Variants in DSCAML1 observed in about 807,000 individuals in gnomAD.
DSCAML1 encodes the protein DS cell adhesion molecule like 1.
In DSCAML1, 38 loss-of-function variants were observed where a neutral mutation model predicts 200.5. That is an observed-to-expected ratio of 0.19 (90% CI 0.15 to 0.25). The LOEUF (loss-of-function observed/expected upper bound fraction) is 0.25, where lower values mean the gene tolerates loss of function less well. DSCAML1 is among the 10% of genes least tolerant of loss of function. DSCAML1 has a pLI of 1.00. For missense variants in DSCAML1, 2,223 were observed against 2,858.8 expected (o/e 0.78, Z 5.07); for synonymous variants, 1,215 against 1,165.0 (o/e 1.04, Z -0.87).
At chr11:117,790,727 A>G (rs2055447051) in intron 1 of DSCAML1, among the ~76,000 whole-genome samples, 1 of 152,206 alleles carries the variant, frequency 6.6e-6, no homozygotes, top group African/African-American at 2.4e-5. Flanking sequence ...GCTCTGTAGG[A>G]TAGCCAGGAC....
intron 3 of DSCAML1, among the ~76,000 whole-genome samples, chr11:117,772,349 G>GGA (rs1199383503): frequency 3.3e-5 from 5 of 152,262 alleles, no homozygotes; most frequent in African/African-American, 1.2e-4. Context: ...TCATGTCACA[G>GGA]GACCCCTCTG....
intron 3 of DSCAML1, among the ~76,000 whole-genome samples, chr11:117,756,778 G>T (rs1373918761): frequency 6.6e-6 from 1 of 152,020 alleles, no homozygotes; most frequent in African/African-American, 2.4e-5. Context: ...AGACCAAGGA[G>T]GGGGTGATGG....
chr11:117,494,037 T>C (rs745478211), intron 11 of DSCAML1, among the ~76,000 whole-genome samples: 11 of 152,220 alleles, frequency 7.2e-5, no homozygotes, highest in Non-Finnish European at 1.6e-4. Context: ...GTACATGAAT[T>C]ATCTCATTAA....
At chr11:117,760,610 C>T (rs1327838780) in intron 3 of DSCAML1, among the ~76,000 whole-genome samples, 1 of 152,208 alleles carries the variant, frequency 6.6e-6, no homozygotes, top group East Asian at 1.9e-4. Context: ...ATTTAATGTG[C>T]CAATATTGGC....
intron 11 of DSCAML1, among the ~76,000 whole-genome samples, chr11:117,502,072 C>T (rs2137270540): frequency 6.6e-6 from 1 of 152,244 alleles, no homozygotes; most frequent in South Asian, 2.1e-4. Flanking sequence ...CTTCTGAACC[C>T]CTCAGAGCAC....
chr11:117,672,414 G>T (rs2053129914), intron 3 of DSCAML1, among the ~76,000 whole-genome samples: 1 of 151,868 alleles, frequency 6.6e-6, no homozygotes, highest in African/African-American at 2.4e-5. Flanking sequence ...CCAAACACAT[G>T]GCTTTCCTAT....
At chr11:117,468,084 CTCTT>C (rs1315268397) in intron 16 of DSCAML1, among the ~76,000 whole-genome samples, 1 of 151,884 alleles carries the variant, frequency 6.6e-6, no homozygotes, top group Non-Finnish European at 1.5e-5. Context: ...TCCTTCCTCT[CTCTT>C]TTTTTCTCTC....
chr11:117,796,567 C>T (rs2055580199), intron 1 of DSCAML1, among the ~76,000 whole-genome samples: 2 of 152,336 alleles, frequency 1.3e-5, no homozygotes, highest in South Asian at 4.1e-4. Context: ...GGGTCCGCGG[C>T]GGGAGAGGGA....
intron 3 of DSCAML1, among the ~76,000 whole-genome samples, chr11:117,698,100 T>C (rs149552022): frequency 5.3e-4 from 81 of 152,338 alleles, no homozygotes; most frequent in Admixed American, 3.5e-3. Flanking sequence ...GGCTGAATCA[T>C]ATTCCATTGT....
intron 3 of DSCAML1, among the ~76,000 whole-genome samples, chr11:117,651,890 CG>C (rs924578138): frequency 1.5e-4 from 23 of 152,256 alleles, no homozygotes; most frequent in African/African-American, 5.5e-4. Context: ...AGGGAAACAG[CG>C]GGGATGACAA....
At chr11:117,528,263 CCGTGG>C (rs2050014715) in intron 4 of DSCAML1, among the ~76,000 whole-genome samples, 4 of 152,094 alleles carry the variant, frequency 2.6e-5, no homozygotes, top group Admixed American at 2.6e-4. Flanking sequence ...TACACAAATT[CCGTGG>C]CACACTGCAG....
Position 117,797,169 on chromosome 11 carries a change from CCGCACT to C in DSCAML1, c.-96_-91del, listed in dbSNP as rs141002031. On this transcript the variant is annotated 5_prime_UTR_variant, in exon 1 of 33. Coordinates refer to ENST00000651296, the MANE Select transcript of DSCAML1 (RefSeq NM_020693.4). ...CCCCGCTCAGCGCGCTCCCAGCCGC[CCGCACT>C]CGGCGCCCCGCTCTCTCTGCTCCTC... 2.4e-4 allele frequency: 382 copies of C among 1,579,352 alleles called. 1 individual carries two copies. In the African/African-American group the frequency reaches 4.8e-3, roughly 20 times the overall value.
At chr11:117,648,359 G>C (rs1173184129) in intron 3 of DSCAML1, among the ~76,000 whole-genome samples, 1 of 152,212 alleles carries the variant, frequency 6.6e-6, no homozygotes, top group Non-Finnish European at 1.5e-5. Context: ...GAGCGCCAAA[G>C]CCCTTTATGA....
At chr11:117,478,935 G>A (rs114757817) in intron 14 of DSCAML1, among the ~76,000 whole-genome samples, 2,940 of 152,296 alleles carry the variant, frequency 0.019, 104 homozygotes, top group African/African-American at 0.067. Context: ...GTGGCTTACC[G>A]CAACTCAACC....
intron 3 of DSCAML1, among the ~76,000 whole-genome samples, chr11:117,656,496 C>CATCTATCTATCTATCTATCTATCT (rs71469141): frequency 1.4e-5 from 2 of 147,292 alleles, no homozygotes; most frequent in Non-Finnish European, 3.0e-5. Flanking sequence ...TTACCTAAAT[C>CATCTATCTATCTATCTATCTATCT]ATCTATCTAT....
chr11:117,454,281 A>G (rs943791091), intron 19 of DSCAML1, among the ~76,000 whole-genome samples: 7 of 152,310 alleles, frequency 4.6e-5, no homozygotes, highest in African/African-American at 1.7e-4. Flanking sequence ...GAATTTTAAC[A>G]TGATCCCCAA....
chr11:117,689,736 C>T (rs150563469), intron 3 of DSCAML1, among the ~76,000 whole-genome samples: 54 of 152,338 alleles, frequency 3.5e-4, no homozygotes, highest in African/African-American at 1.3e-3. Context: ...TGCTGGAGAC[C>T]TGGATTCAAA....
chr11:117,445,785 T>C (rs2048166195), intron 20 of DSCAML1, among the ~76,000 whole-genome samples: 1 of 152,160 alleles, frequency 6.6e-6, no homozygotes, highest in Admixed American at 6.5e-5. Flanking sequence ...GCAAGAAAGT[T>C]TGGCCTCTTC....
At chr11:117,708,681 C>G (rs970994306) in intron 3 of DSCAML1, among the ~76,000 whole-genome samples, 2 of 152,194 alleles carry the variant, frequency 1.3e-5, no homozygotes, top group African/African-American at 2.4e-5. Context: ...CTCAAACTGT[C>G]CTGAGAAAGG....
Sources: allele counts gnomAD v4.1 joint callset (sites outside exome capture counted in the v4.1 genomes callset), GRCh38; gene constraint gnomAD v4.1.1; transcripts MANE v1.5; gene names NCBI Gene and HGNC (gene_info 2026-07-23, HGNC 2026-07-21).